The following KMT2D variants were observed in gnomAD, a reference collection of about 807,000 sequenced individuals.
KMT2D encodes histone-lysine N-methyltransferase 2D.
KMT2D carries 55 observed loss-of-function variants against 512.7 expected under a neutral mutation model. That is an observed-to-expected ratio of 0.11 (90% CI 0.09 to 0.13). The LOEUF is 0.13. KMT2D is among the 10% of genes least tolerant of loss of function. The pLI, the probability that KMT2D is intolerant of heterozygous loss-of-function variation, is 1.00. For synonymous variants in KMT2D, 2,995 were observed against 2,904.0 expected (o/e 1.03, Z -1.01); for missense variants, 6,061 against 7,127.9 (o/e 0.85, Z 5.39).
rs1943463101 is a variant in KMT2D at position 49,040,563 on chromosome 12, G to C, written c.7207C>G (p.Leu2403Val). Residue 2403 changes from leucine (L) to valine (V), a missense_variant, in exon 32 of 55, where the codon CTG (leucine) becomes GTG (valine). Coordinates refer to ENST00000301067, the MANE Select transcript of KMT2D (RefSeq NM_003482.4). ...ESCCALPPRS[L>V]PSDPFSRVPA... The stretch of plus-strand genomic sequence containing the variant: ...ACTCGGGAGAAAGGGTCGGAGGGCA[G>C]TGAGCGAGGGGGCAGAGCACAGCAG... The C allele has an allele frequency of 5.6e-6, 9 of 1,612,510 alleles. No homozygotes were observed. The highest frequency in any genetic ancestry group is 7.6e-6 in the Non-Finnish European group (9 of 1,178,896).
Position 49,044,708 on chromosome 12 carries a change from C to A in KMT2D, c.4963+36G>T, listed in dbSNP as rs1279240610. 6.3e-7 allele frequency: 1 copy of A among 1,593,716 alleles called. No homozygotes were observed. Among genetic ancestry groups the A allele is most frequent in the Admixed American group, 1.7e-5 (1 of 59,802 alleles). ...ATCCCACTCCCAGAGTCACGCTCCC[C>A]CTACTCTGCCGCTCCCTAAGATTCC... On this transcript the variant is annotated intron_variant, in intron 20 of 54. Coordinates refer to ENST00000301067, the MANE Select transcript of KMT2D (RefSeq NM_003482.4). This position sits in a 1 kb window ranked among gnomAD's most constrained non-coding sequence, Gnocchi z 6.4.
Position 49,051,018 on chromosome 12 carries a change from G to T in KMT2D, c.2665C>A (p.Pro889Thr). ...TCTCCAAGCAAGGGAGATAAGGATGGTTCCCCAGGGGGAGGGAACAAGGGC... is the reference window on the plus strand; with the variant it reads ...TCTCCAAGCAAGGGAGATAAGGATGTTTCCCCAGGGGGAGGGAACAAGGGC... ...ELPLFPPPGE[P>T]SLSPLLGEPA... Residue 889 changes from proline to threonine, a missense_variant, in exon 11 of 55, where the codon CCA becomes ACA. Around this residue, in one of 16 missense-constraint regions of KMT2D, gnomAD observed 848 missense variants for 838.5 expected, o/e 1.01. Coordinates refer to ENST00000301067, the MANE Select transcript of KMT2D (RefSeq NM_003482.4). 1 of 1,565,288 alleles carries T rather than the reference G, an allele frequency of 6.4e-7. No individual in the cohort carries two copies. Among genetic ancestry groups the T allele is most frequent in the African/African-American group, 1.4e-5 (1 of 73,440 alleles).
rs1938165570 is a variant in KMT2D at position 49,052,901 on chromosome 12, TC to T, written c.1112+13del. ...AACCTGCCAGCCCAATCTCAGTCAG[TC>T]CCCACCACTTACCTGCTACACACCG... On this transcript the variant is annotated intron_variant, in intron 9 of 54. Transcript: ENST00000301067. 2 of 1,613,634 alleles carry T rather than the reference TC, an allele frequency of 1.2e-6. No homozygotes were observed. The highest frequency in any genetic ancestry group is 4.5e-5 in the East Asian group (2 of 44,864).
chr12:49,051,608 G>C lies in KMT2D; in HGVS notation c.2075C>G (p.Pro692Arg), dbSNP rs779380825. Residue 692 changes from proline (P) to arginine (R), a missense_variant, in exon 11 of 55, where the codon CCA becomes CGA. By Grantham distance (103) the Pro-to-Arg change is moderately radical (BLOSUM62 -2). This residue lies in a region of KMT2D where 848 missense variants were observed against 838.5 expected (regional missense o/e 1.01). Coordinates refer to ENST00000301067, the MANE Select transcript of KMT2D (RefSeq NM_003482.4). ...TGGGGATGTGGGGGAGTCCTCAGGT[G>C]GTGGGGAGAGGCGTGAAGCCTCAGG... The part of the protein sequence containing the change: ...PPPEASRLSP[P>R]PEDSPTSPPP... 2 of 1,584,944 alleles carry C rather than the reference G, an allele frequency of 1.3e-6. No homozygotes were observed. Among genetic ancestry groups the C allele is most frequent in the Non-Finnish European group, 1.7e-6 (2 of 1,162,926 alleles).
At position 49,021,689 on chromosome 12, in the gene KMT2D, G is replaced by A. The variant is rs927712518; in HGVS notation, c.*91C>T. 12 of 1,139,046 alleles carry A rather than the reference G, an allele frequency of 1.1e-5. No homozygotes were observed. The African/African-American group carries it at 1.8e-4, about 18-fold the overall frequency. The allele number at this position is 1,139,046 out of a possible 1,614,324, so 70.6% of individuals were successfully genotyped here. A position where few individuals can be genotyped will look rare whatever the true frequency, so the allele number is the denominator to read the frequency against. Reference sequence around the variant, plus strand: ...GCCGGCAGCCCCAACCCTGGGTCCTGGCTCTGGCTGCTACCTCTCTTCCCC... The same window carrying A: ...GCCGGCAGCCCCAACCCTGGGTCCTAGCTCTGGCTGCTACCTCTCTTCCCC... On this transcript the variant is annotated 3_prime_UTR_variant, in exon 55 of 55. Coordinates refer to ENST00000301067, the MANE Select transcript of KMT2D (RefSeq NM_003482.4).
Position 49,051,838 on chromosome 12 carries a change from A to G in KMT2D, c.1845T>C (p.Ser615=), listed in dbSNP as rs768096949. 6.3e-7 allele frequency: 1 copy of G among 1,590,532 alleles called. No individual in the cohort carries two copies. The highest frequency in any genetic ancestry group is 1.1e-5 in the South Asian group (1 of 89,768). The change falls in exon 11 of 55, where the codon TCT becomes TCC. Residue 615 remains serine, a synonymous_variant. Transcript: ENST00000301067. ...ESPLSPPPEE[S]PLSPPPEASR... ...ATGCCTCAGGTGGTGGGGAAAGGGGAGACTCCTCAGGTGGAGGGGACAGAG... is the reference window on the plus strand; with the variant it reads ...ATGCCTCAGGTGGTGGGGAAAGGGGGGACTCCTCAGGTGGAGGGGACAGAG...
rs781413067 is a variant in KMT2D, at chr12:49,052,237, T to C, written c.1446A>G (p.Ala482=). The C allele has an allele frequency of 6.2e-6, 10 of 1,610,118 alleles. No homozygotes were observed. In the Middle Eastern group the frequency reaches 5.0e-4, roughly 80 times the overall value. ...EELPASPLPE[A]LHLSRPLEES... ...CCTCCAGCGGCCGGGACAGGTGCAATGCCTCAGGAAGTGGGGATGCGGGCA... is the reference window on the plus strand; with the variant it reads ...CCTCCAGCGGCCGGGACAGGTGCAACGCCTCAGGAAGTGGGGATGCGGGCA... Residue 482 remains alanine (A), a synonymous_variant, in exon 11 of 55, where the codon GCA becomes GCG. Coordinates refer to ENST00000301067, the MANE Select transcript of KMT2D (RefSeq NM_003482.4).
At chr12:49,036,434 C>G (rs1565783892) in intron 35 of KMT2D, among the ~76,000 whole-genome samples, 1 of 150,480 alleles carries the variant, frequency 6.6e-6, no homozygotes, top group Non-Finnish European at 1.5e-5. Flanking sequence ...GCCTCAGCCT[C>G]TCGAGTAGCT....
chr12:49,034,214 C>T lies in KMT2D; in HGVS notation c.10593G>A (p.Gln3531=), dbSNP rs2120454150. ...TCCGGGACTTGCGGTGTACACCAAT[C>T]TGCTCCTCTAGCACCTTCAGCTGCA... ...LQMQLKVLEE[Q]IGVHRKSRKA... The change falls in exon 39 of 55, where the codon CAG becomes CAA. Residue 3531 remains glutamine, a synonymous_variant. Transcript: ENST00000301067. 2 of 1,613,704 alleles carry T rather than the reference C, an allele frequency of 1.2e-6. No homozygotes were observed.
rs1167482083 is a variant in KMT2D, at chr12:49,039,787, G to A, written c.7983C>T (p.Leu2661=). 8.1e-6 allele frequency: 13 copies of A among 1,613,870 alleles called. No homozygotes were observed. In the East Asian group the frequency reaches 2.9e-4, roughly 36 times the overall value. ...ACATGCCTGGGTCCTGGGTACCTGGGAGTTCAGCTGTCGCCAAAGAGCTAC... is the reference window on the plus strand; with the variant it reads ...ACATGCCTGGGTCCTGGGTACCTGGAAGTTCAGCTGTCGCCAAAGAGCTAC... ...GMGSSLATAE[L]PGTQDPGMSG... is the part of the protein sequence containing the mutation. Residue 2661 remains leucine, a synonymous_variant, in exon 32 of 55, where the codon CTC becomes CTT. Coordinates refer to ENST00000301067, the MANE Select transcript of KMT2D (RefSeq NM_003482.4). The surrounding 1 kb of genome is among the most constrained non-coding windows in gnomAD (Gnocchi z 5.0).
At position 49,041,037 on chromosome 12, in the gene KMT2D, G is replaced by C. The variant is rs201931833; in HGVS notation, c.6733C>G (p.Leu2245Val). ...TCCAGCGAGGGGCAGCGGGGTTTGA[G>C]GAATGGGTCAGGTGTGGAGGGCTGG... ...RHQPSTPDPFLKPRCPSLDNL... is the reference protein window; with the variant it reads ...RHQPSTPDPFVKPRCPSLDNL... Residue 2245 changes from leucine (L) to valine (V), a missense_variant, in exon 32 of 55, where the codon CTC becomes GTC. Physicochemically the swap from Leu to Val is conservative, Grantham distance 32. This residue lies in a region of KMT2D where 710 missense variants were observed against 647.3 expected (regional missense o/e 1.10). Coordinates refer to ENST00000301067, the MANE Select transcript of KMT2D (RefSeq NM_003482.4). The surrounding 1 kb of genome is among the most constrained non-coding windows in gnomAD (Gnocchi z 5.4). 2,659 of 1,567,318 alleles carry C rather than the reference G, an allele frequency of 1.7e-3. 1 individual carries two copies. Among genetic ancestry groups the C allele is most frequent in the Non-Finnish European group, 2.0e-3 (2,347 of 1,155,946 alleles).
chr12:49,055,754 T>G (rs1393374528), intron 1 of KMT2D, among the ~76,000 whole-genome samples: 1 of 151,976 alleles, frequency 6.6e-6, no homozygotes, highest in Non-Finnish European at 1.5e-5. Context: ...TCAAGTAAGC[T>G]CCCATTCTAG....
intron 2 of KMT2D, 87 bp from the exon 3 acceptor site, chr12:49,055,113 C>T (rs113801344): frequency 1.6e-4 from 248 of 1,579,624 alleles, no homozygotes; most frequent in Non-Finnish European, 2.1e-4. Context: ...TTATCCAAAA[C>T]CTGAGTGGAT....
At position 49,042,708 on chromosome 12, in the gene KMT2D, T is replaced by C. The variant is rs776042622; in HGVS notation, c.5782+33A>G. ...CCCATCCTGGAGGCAAGCTTGGTTA[T>C]GTCAGTCTTCAGACCACTCCCACCT... On this transcript the variant is annotated intron_variant, in intron 27 of 54. Transcript: ENST00000301067. This position sits in a 1 kb window ranked among gnomAD's most constrained non-coding sequence, Gnocchi z 4.4. The C allele has an allele frequency of 1.2e-6, 2 of 1,609,160 alleles. No homozygotes were observed. The highest frequency in any genetic ancestry group is 1.7e-6 in the Non-Finnish European group (2 of 1,176,670).
Position 49,046,553 on chromosome 12 carries a change from A to G in KMT2D, c.4418+56T>C, listed in dbSNP as rs2120608488. Reference sequence around the variant, plus strand: ...GCCTCTGTCACATACTCAACATCATATCCACTTTAACATCTCAAGGCCCCA... The same window carrying G: ...GCCTCTGTCACATACTCAACATCATGTCCACTTTAACATCTCAAGGCCCCA... On this transcript the variant is annotated intron_variant, in intron 16 of 54. Coordinates refer to ENST00000301067, the MANE Select transcript of KMT2D (RefSeq NM_003482.4). The surrounding 1 kb of genome is among the most constrained non-coding windows in gnomAD (Gnocchi z 4.2). 6.3e-7 allele frequency: 1 copy of G among 1,578,834 alleles called. No homozygotes were observed. The highest frequency in any genetic ancestry group is 1.2e-5 in the South Asian group (1 of 86,188).
Position 49,048,007 on chromosome 12 carries a change from C to G in KMT2D, c.4194G>C (p.Ser1398=), listed in dbSNP as rs578163394. Residue 1398 remains serine (S), a synonymous_variant, in exon 15 of 55, where the codon TCG becomes TCC. Coordinates refer to ENST00000301067, the MANE Select transcript of KMT2D (RefSeq NM_003482.4). ...RGAEGHLLAC[S]QCSQCYHPYC... is the part of the protein sequence containing the mutation. ...AAGGGTGATAGCACTGAGAGCACTGCGAACAGGCAAGGAGGTGGCCCTCTG... is the reference window on the plus strand; with the variant it reads ...AAGGGTGATAGCACTGAGAGCACTGGGAACAGGCAAGGAGGTGGCCCTCTG... The G allele has an allele frequency of 6.2e-7, 1 of 1,613,476 alleles. No homozygotes were observed. The highest frequency in any genetic ancestry group is 8.5e-7 in the Non-Finnish European group (1 of 1,179,440).
chr12:49,027,392 A>C (rs2120372966), intron 48 of KMT2D, 70 bp from the exon 49 acceptor site: 1 of 1,292,934 alleles, frequency 7.7e-7, no homozygotes. Flanking sequence ...CCCCTCACCC[A>C]TATGCCACCC....
rs371869550 is a variant in KMT2D at position 49,037,332 on chromosome 12, G to A, written c.10024C>T (p.Arg3342Cys). ...TQPPAHALQQRLAPSMAMVSN... is the reference protein window; with the variant it reads ...TQPPAHALQQCLAPSMAMVSN... ...ACCATAGCCATGGATGGAGCCAGGC[G>A]TTGCTGGAGGGCATGAGCTGGTGGC... The change falls in exon 35 of 55, where the codon CGC (arginine) becomes TGC (cysteine). Residue 3342 changes from arginine to cysteine, a missense_variant. Arg to Cys is a radical substitution (Grantham distance 180, BLOSUM62 -3). Transcript: ENST00000301067. 4.5e-5 allele frequency: 72 copies of A among 1,612,176 alleles called. No individual in the cohort carries two copies. The Middle Eastern group carries it at 5.0e-4, about 11-fold the overall frequency.
Position 49,022,990 on chromosome 12 carries a change from C to T in KMT2D, c.16053-115G>A. 1 of 1,116,398 alleles carries T rather than the reference C, an allele frequency of 9.0e-7. No individual in the cohort carries two copies. Among genetic ancestry groups the T allele is most frequent in the Non-Finnish European group, 1.2e-6 (1 of 805,392 alleles). The allele number at this position is 1,116,398 out of a possible 1,614,324, so 69.2% of individuals were successfully genotyped here. ...ACACACCAGTTAGGGGCGTGTGCTG[C>T]TGGCAAGCACTGGAAGTGCAGCCTT... On this transcript the variant is annotated intron_variant, in intron 51 of 54. Transcript: ENST00000301067. The surrounding 1 kb of genome is among the most constrained non-coding windows in gnomAD (Gnocchi z 8.6).
Sources: gnomAD v4.1 joint callset for allele counts (sites outside exome capture counted in the v4.1 genomes callset) on GRCh38, gnomAD v4.1.1 for gene constraint, gnomAD v4.1.1 regional missense constraint, Gnocchi (gnomAD v3.1) non-coding constraint, MANE v1.5 for transcripts, NCBI Gene and HGNC (gene_info 2026-07-23, HGNC 2026-07-21) for gene names.